MMS22L: variants seen among roughly 807,000 people sequenced by gnomAD.
The protein encoded by MMS22L is MMS22 like, DNA repair protein.
A neutral mutation model predicts 159.1 loss-of-function variants in MMS22L; 74 were observed. That is an observed-to-expected ratio of 0.47 (90% CI 0.39 to 0.56). The LOEUF (loss-of-function observed/expected upper bound fraction) is 0.56, where lower values mean the gene tolerates loss of function less well. Among genes scored for constraint, MMS22L ranks in the 20% least tolerant of loss-of-function variants. MMS22L has a pLI of 0.00. For missense variants in MMS22L, 1,351 were observed against 1,422.1 expected (o/e 0.95, Z 0.80); for synonymous variants, 517 against 506.9 (o/e 1.02, Z -0.27).
intron 14 of MMS22L, among the ~76,000 whole-genome samples, chr6:97,204,021 T>C (rs529908402): frequency 2.6e-5 from 4 of 152,202 alleles, no homozygotes. Flanking sequence ...TGGCCCATAC[T>C]TTCCATGTTC....
Position 97,142,455 on chromosome 6 carries a change from A to T in MMS22L, c.*4351T>A, listed in dbSNP as rs1310181863. 6.6e-6 allele frequency: 1 copy of T among 152,502 alleles called. No homozygotes were observed. Among genetic ancestry groups the T allele is most frequent in the Non-Finnish European group, 1.5e-5 (1 of 67,926 alleles). 9.4% of individuals were successfully genotyped at this position (152,502 alleles called of 1,614,324 possible). A position where few individuals can be genotyped will look rare whatever the true frequency, so the allele number is the denominator to read the frequency against. Reference sequence around the variant, plus strand: ...AAACCAACTGTTTCTAACCAAATAAAGCATATTATTTATATTGGCATACTA... The same window carrying T: ...AAACCAACTGTTTCTAACCAAATAATGCATATTATTTATATTGGCATACTA... On this transcript the variant is annotated 3_prime_UTR_variant, in exon 25 of 25. Transcript: ENST00000683635.
intron 14 of MMS22L, among the ~76,000 whole-genome samples, chr6:97,197,497 G>A (rs1174495750): frequency 6.6e-6 from 1 of 152,106 alleles, no homozygotes; most frequent in African/African-American, 2.4e-5. Context: ...TCAGAGGTGA[G>A]ATCATCTCTG....
rs150883118 is a variant in MMS22L, at chr6:97,198,404, T to C, written c.2040-11714A>G. The stretch of plus-strand genomic sequence containing the variant: ...ATCCTAGCTGAGGCTCCAGACGTGG[T>C]AGAGCAGATAAGAGCTGCCCTTGGC... On this transcript the variant is annotated intron_variant, in intron 14 of 24. Transcript: ENST00000683635. Among the ~76,000 whole-genome samples the C allele has an allele frequency of 7.0e-3, 1,065 of 152,288 alleles. 7 individuals carry two copies. The highest frequency in any genetic ancestry group is 0.011 in the Non-Finnish European group (782 of 68,008).
intron 14 of MMS22L, among the ~76,000 whole-genome samples, chr6:97,210,187 T>C (rs1808226624): frequency 1.3e-5 from 2 of 151,848 alleles, no homozygotes; most frequent in Admixed American, 6.6e-5. Context: ...AAAAATCTTA[T>C]ATATCCTTAA....
intron 14 of MMS22L, among the ~76,000 whole-genome samples, chr6:97,208,347 T>C (rs531048580): frequency 6.6e-6 from 1 of 152,222 alleles, no homozygotes; most frequent in African/African-American, 2.4e-5. Flanking sequence ...GAACCATCTA[T>C]ATAATCACCA....
At chr6:97,207,463 TA>T (rs1227041160) in intron 14 of MMS22L, among the ~76,000 whole-genome samples, 4 of 152,082 alleles carry the variant, frequency 2.6e-5, no homozygotes, top group East Asian at 1.9e-4. Context: ...CTATTTGCTT[TA>T]AAAAAAATTA....
intron 9 of MMS22L, among the ~76,000 whole-genome samples, chr6:97,256,144 G>T (rs1321442286): frequency 6.6e-6 from 1 of 151,898 alleles, no homozygotes; most frequent in African/African-American, 2.4e-5. Context: ...CTCTGGGGTT[G>T]AATATTAATT....
intron 14 of MMS22L, among the ~76,000 whole-genome samples, chr6:97,216,076 C>A (rs1808982145): frequency 6.6e-6 from 1 of 152,176 alleles, no homozygotes; most frequent in African/African-American, 2.4e-5. Context: ...CAGTTACTCA[C>A]CTTTTTCCAC....
At chr6:97,182,085 A>G in intron 15 of MMS22L, 31 bp from the exon 16 acceptor site, 1 of 1,585,272 alleles carries the variant, frequency 6.3e-7, no homozygotes, top group Non-Finnish European at 8.6e-7. Flanking sequence ...ACTTAAAGTC[A>G]GGAATCTTTA....
intron 10 of MMS22L, among the ~76,000 whole-genome samples, chr6:97,247,636 T>A (rs1359706269): frequency 2.0e-5 from 3 of 152,016 alleles, no homozygotes; most frequent in Admixed American, 2.0e-4. Flanking sequence ...GAGAATGGTG[T>A]GAACCCAGGA....
intron 8 of MMS22L, chr6:97,266,476 G>A (rs1324600826): frequency 6.6e-6 from 1 of 152,206 alleles, no homozygotes; most frequent in Non-Finnish European, 1.5e-5. Context: ...ATGGAATACA[G>A]TCATGTGTCA....
At chr6:97,278,516 A>G (rs1816461978) in intron 4 of MMS22L, among the ~76,000 whole-genome samples, 1 of 152,134 alleles carries the variant, frequency 6.6e-6, no homozygotes, top group Admixed American at 6.6e-5. Flanking sequence ...AGAAAAGAAA[A>G]TCAAGAAGAC....
chr6:97,271,233 A>T (rs894430877), intron 6 of MMS22L: 1 of 151,916 alleles, frequency 6.6e-6, no homozygotes, highest in African/African-American at 2.4e-5. Context: ...GTGATTTTTT[A>T]TTTTTTGAAG....
intron 24 of MMS22L, among the ~76,000 whole-genome samples, chr6:97,149,206 A>G (rs559260827): frequency 2.6e-5 from 4 of 152,310 alleles, no homozygotes; most frequent in South Asian, 2.1e-4. Flanking sequence ...TAAGCAACAC[A>G]TAACTGTATT....
chr6:97,159,948 G>GTTTT lies in MMS22L; in HGVS notation c.3385+2050_3385+2053dup, dbSNP rs368455553. On this transcript the variant is annotated intron_variant, in intron 22 of 24. Coordinates refer to ENST00000683635, the MANE Select transcript of MMS22L (RefSeq NM_001350599.2). ...ATTAACCTTCTTATTTATCATTTCT[G>GTTTT]TTTTTTTTTTTTTTTTTTTTCATTT... 7.0e-4 allele frequency among the ~76,000 whole-genome samples: 68 copies of GTTTT among 97,158 alleles called. 6 individuals are homozygous for GTTTT. The highest frequency in any genetic ancestry group is 2.1e-3 in the African/African-American group (52 of 25,272). 63.7% of individuals were successfully genotyped at this position (97,158 alleles called of 152,430 possible). A position where few individuals can be genotyped will look rare whatever the true frequency, so the allele number is the denominator to read the frequency against.
chr6:97,170,716 A>G (rs889428527), intron 19 of MMS22L, among the ~76,000 whole-genome samples: 1 of 152,152 alleles, frequency 6.6e-6, no homozygotes, highest in Non-Finnish European at 1.5e-5. Flanking sequence ...TTCATTTAAG[A>G]ACATTAAAAG....
At chr6:97,279,293 C>G (rs1294401894) in intron 3 of MMS22L, among the ~76,000 whole-genome samples, 1 of 151,076 alleles carries the variant, frequency 6.6e-6, no homozygotes, top group Non-Finnish European at 1.5e-5. Flanking sequence ...ACCATCCTGG[C>G]AAACATGGTG....
chr6:97,275,098 C>A (rs1816125925), intron 4 of MMS22L, among the ~76,000 whole-genome samples: 1 of 152,252 alleles, frequency 6.6e-6, no homozygotes, highest in Non-Finnish European at 1.5e-5. Flanking sequence ...GAATAAAAAT[C>A]CAGAAAGCAA....
chr6:97,209,772 T>C (rs1032880572), intron 14 of MMS22L, among the ~76,000 whole-genome samples: 1 of 152,026 alleles, frequency 6.6e-6, no homozygotes, highest in Non-Finnish European at 1.5e-5. Context: ...TTGATAATAT[T>C]TGTAGCACTA....
Sources: allele counts gnomAD v4.1 joint callset (sites outside exome capture counted in the v4.1 genomes callset), GRCh38; gene constraint gnomAD v4.1.1; transcripts MANE v1.5; gene names NCBI Gene and HGNC (gene_info 2026-07-23, HGNC 2026-07-21).